DCBLD1: variants seen among roughly 807,000 people sequenced by gnomAD.
DCBLD1 encodes discoidin, CUB and LCCL domain-containing protein 1.
Under a neutral mutation model 71.5 loss-of-function variants are expected in DCBLD1, and 57 were observed. That is an observed-to-expected ratio of 0.80 (90% CI 0.64 to 0.99). DCBLD1 has a LOEUF of 0.99. Ranked by LOEUF, DCBLD1 falls within the 50% of genes least tolerant of loss-of-function variation. DCBLD1 has a pLI of 0.00. For missense variants in DCBLD1, 891 were observed against 923.5 expected, an observed-to-expected ratio of 0.96 and a Z score of 0.46; for synonymous variants, 380 against 363.8, an observed-to-expected ratio of 1.04 and a Z score of -0.51.
At chr6:117,540,532 A>T in intron 9 of DCBLD1, 136 bp from the exon 10 acceptor site, 1 of 1,019,424 alleles carries the variant, frequency 9.8e-7, no homozygotes, top group Non-Finnish European at 1.4e-6. Context: ...CGTATCTTCA[A>T]TATCAAGAGT....
intron 2 of DCBLD1, among the ~76,000 whole-genome samples, chr6:117,509,753 C>T (rs1444761146): frequency 6.6e-6 from 1 of 152,170 alleles, no homozygotes; most frequent in African/African-American, 2.4e-5. Context: ...TCCAGCAGCA[C>T]ACCCTACCCT....
At chr6:117,544,337 A>G (rs1178459993) in intron 12 of DCBLD1, 191 bp from the exon 13 acceptor site, 10 of 484,978 alleles carry the variant, frequency 2.1e-5, no homozygotes, top group African/African-American at 7.9e-5. Context: ...GACCTTTCTT[A>G]TAAATGAGAT....
At chr6:117,517,520 CTGTG>C (rs1193764978) in intron 2 of DCBLD1, among the ~76,000 whole-genome samples, 1 of 152,206 alleles carries the variant, frequency 6.6e-6, no homozygotes, top group Non-Finnish European at 1.5e-5. Context: ...AGTAGGTACT[CTGTG>C]TGGGGGCTCT....
intron 1 of DCBLD1, among the ~76,000 whole-genome samples, chr6:117,483,760 C>T (rs976712340): frequency 2.0e-5 from 3 of 151,678 alleles, no homozygotes; most frequent in Admixed American, 2.0e-4. Context: ...TGTTTCCTCT[C>T]CTCCCTTGCT....
rs187028705 is a variant in DCBLD1 at position 117,558,186 on chromosome 6, T to C, written c.1616-11434T>C. ...GAAGAGGTTTCGCTGAACATTCAAG[T>C]GTCTGAAACTCAGCAACTCTTAACA... On this transcript the variant is annotated intron_variant, in intron 14 of 14. Coordinates refer to the DCBLD1 transcript ENST00000296955. Among the ~76,000 whole-genome samples the C allele has an allele frequency of 1.1e-4, 16 of 152,348 alleles. No individual in the cohort carries two copies. The East Asian group carries it at 3.1e-3, about 29-fold the overall frequency.
chr6:117,560,424 A>G (rs979408778), intron 14 of DCBLD1: 2 of 189,204 alleles, frequency 1.1e-5, no homozygotes, highest in African/African-American at 4.7e-5. Flanking sequence ...GAGGCCAACC[A>G]TAAGTGTAAG....
chr6:117,535,873 G>A (rs1323402750), intron 6 of DCBLD1, among the ~76,000 whole-genome samples: 4 of 152,148 alleles, frequency 2.6e-5, no homozygotes, highest in Admixed American at 2.6e-4. Flanking sequence ...TCTCATCCAA[G>A]CTTTTTTGCT....
chr6:117,499,399 C>T (rs79406788), intron 1 of DCBLD1, among the ~76,000 whole-genome samples: 3,754 of 149,158 alleles, frequency 0.025, 67 homozygotes, highest in Non-Finnish European at 0.038. Flanking sequence ...GGAATGAGAC[C>T]GTCTCAAAAA....
chr6:117,514,474 G>A (rs1778124611), intron 2 of DCBLD1, among the ~76,000 whole-genome samples: 1 of 151,892 alleles, frequency 6.6e-6, no homozygotes, highest in African/African-American at 2.4e-5. Context: ...GGACATGGTG[G>A]CACACACCTG....
chr6:117,487,089 C>T (rs536802501), intron 1 of DCBLD1, among the ~76,000 whole-genome samples: 1 of 152,260 alleles, frequency 6.6e-6, no homozygotes, highest in South Asian at 2.1e-4. Context: ...TCACGAAACC[C>T]GTCCCTGTTG....
intron 1 of DCBLD1, among the ~76,000 whole-genome samples, chr6:117,495,843 T>C (rs1319233366): frequency 6.6e-6 from 1 of 152,262 alleles, no homozygotes; most frequent in East Asian, 1.9e-4. Context: ...CAGCAAATTA[T>C]GAATCTTTTA....
In DCBLD1 at chr6:117,568,153, T is replaced by C. The variant is rs986918528; in HGVS notation, c.1616-1467T>C. Reference sequence around the variant, plus strand: ...AGGTTGAGGCTGCAGTGGTCCGTAATTGTGCCACTGCACTCCAGCCTGGGT... The same window carrying C: ...AGGTTGAGGCTGCAGTGGTCCGTAACTGTGCCACTGCACTCCAGCCTGGGT... On this transcript the variant is annotated intron_variant, in intron 14 of 14. Coordinates refer to the DCBLD1 transcript ENST00000296955. 2.6e-4 allele frequency among the ~76,000 whole-genome samples: 39 copies of C among 152,038 alleles called. 2 individuals are homozygous for C. Among genetic ancestry groups the C allele is most frequent in the African/African-American group, 9.4e-4 (39 of 41,382 alleles).
At chr6:117,496,754 C>A (rs1582969329) in intron 1 of DCBLD1, among the ~76,000 whole-genome samples, 1 of 152,010 alleles carries the variant, frequency 6.6e-6, no homozygotes, top group South Asian at 2.1e-4. Context: ...AGGTTAGGAC[C>A]CATTAATAGG....
chr6:117,552,110 A>AC (rs1268311582), downstream of DCBLD1, among the ~76,000 whole-genome samples: 2 of 152,310 alleles, frequency 1.3e-5, no homozygotes, highest in African/African-American at 2.4e-5. Flanking sequence ...ACAGAGCAAG[A>AC]CCATGTTTTT....
At chr6:117,566,090 G>T (rs1779690941) in intron 14 of DCBLD1, among the ~76,000 whole-genome samples, 1 of 152,154 alleles carries the variant, frequency 6.6e-6, no homozygotes, top group Non-Finnish European at 1.5e-5. Flanking sequence ...TGGCAAGGAA[G>T]AAAACAATGA....
At chr6:117,485,769 T>C (rs1777066377) in intron 1 of DCBLD1, among the ~76,000 whole-genome samples, 1 of 152,266 alleles carries the variant, frequency 6.6e-6, no homozygotes, top group East Asian at 1.9e-4. Context: ...ACATTCTTTA[T>C]AAAGGTGTAC....
chr6:117,567,636 C>T (rs969216269), intron 14 of DCBLD1, among the ~76,000 whole-genome samples: 2 of 151,950 alleles, frequency 1.3e-5, no homozygotes, highest in Admixed American at 1.3e-4. Flanking sequence ...TATTCTGTCT[C>T]GTACTAATAG....
At chr6:117,498,531 G>A (rs764880430) in intron 1 of DCBLD1, among the ~76,000 whole-genome samples, 17 of 152,064 alleles carry the variant, frequency 1.1e-4, no homozygotes, top group Non-Finnish European at 1.6e-4. Flanking sequence ...TGTTAGATAG[G>A]TGGCACTTTA....
intron 11 of DCBLD1, among the ~76,000 whole-genome samples, chr6:117,542,779 A>G (rs943529684): frequency 6.6e-6 from 1 of 151,086 alleles, no homozygotes; most frequent in African/African-American, 2.4e-5. Flanking sequence ...ACCTGTCTAA[A>G]TAGTTCTCAC....
Sources: gnomAD v4.1 joint callset for allele counts (sites outside exome capture counted in the v4.1 genomes callset) on GRCh38, gnomAD v4.1.1 for gene constraint, MANE v1.5 for transcripts, NCBI Gene and HGNC (gene_info 2026-07-23, HGNC 2026-07-21) for gene names.